Variants in KCNIP4 observed in about 807,000 individuals in gnomAD.
The protein encoded by KCNIP4 is Kv channel-interacting protein 4.
In KCNIP4, 12 loss-of-function variants were observed where a neutral mutation model predicts 34.0. That is an observed-to-expected ratio of 0.35 (90% CI 0.23 to 0.57). The LOEUF (loss-of-function observed/expected upper bound fraction) is 0.57, where lower values mean the gene tolerates loss of function less well. KCNIP4 is among the 20% of genes least tolerant of loss of function. KCNIP4 has a pLI of 0.83. For missense variants in KCNIP4, 238 were observed against 311.7 expected (o/e 0.76, Z 1.78); for synonymous variants, 124 against 102.2 (o/e 1.21, Z -1.29).
intron 1 of KCNIP4, among the ~76,000 whole-genome samples, chr4:21,747,481 A>G (rs1251609499): frequency 5.9e-5 from 9 of 151,964 alleles, no homozygotes; most frequent in Admixed American, 5.9e-4. Context: ...AAGCATCTCA[A>G]CTCTTAGTTC....
At chr4:21,055,953 T>C (rs149647016) in intron 1 of KCNIP4, among the ~76,000 whole-genome samples, 2 of 152,264 alleles carry the variant, frequency 1.3e-5, no homozygotes, top group East Asian at 1.9e-4. Context: ...TGGGGAATTA[T>C]GATGTGTCAG....
intron 7 of KCNIP4, 72 bp downstream of exon 7, chr4:20,732,609 C>G: frequency 1.1e-6 from 1 of 895,200 alleles, no homozygotes; most frequent in African/African-American, 1.6e-5. Context: ...TTTGAATCAT[C>G]GTGGTGCATG....
At chr4:21,212,198 G>C (rs1210044777) in intron 1 of KCNIP4, among the ~76,000 whole-genome samples, 1 of 152,182 alleles carries the variant, frequency 6.6e-6, no homozygotes, top group Admixed American at 6.6e-5. Flanking sequence ...GGCTGAGTTA[G>C]AAAGAAACTG....
At chr4:21,389,549 G>T (rs984067564) in intron 1 of KCNIP4, among the ~76,000 whole-genome samples, 1 of 146,646 alleles carries the variant, frequency 6.8e-6, no homozygotes, top group Non-Finnish European at 1.5e-5. Flanking sequence ...GAGAACATGC[G>T]GTGTTTGGTT....
chr4:21,852,928 A>G (rs1383367521), intron 1 of KCNIP4: 2 of 152,228 alleles, frequency 1.3e-5, no homozygotes, highest in African/African-American at 2.4e-5. Flanking sequence ...GAATCAGGTC[A>G]TTGTTACTTA....
chr4:21,501,713 T>TGTGTGTGTGTGTGTGTGTGTGTGTGC (rs1733364995), intron 1 of KCNIP4, among the ~76,000 whole-genome samples: 1 of 150,496 alleles, frequency 6.6e-6, no homozygotes, highest in Non-Finnish European at 1.5e-5. Flanking sequence ...TGTGTGTGTG[T>TGTGTGTGTGTGTGTGTGTGTGTGTGC]GTGCGTTGGA....
At chr4:21,477,780 C>A (rs902765584) in intron 1 of KCNIP4, among the ~76,000 whole-genome samples, 10 of 152,252 alleles carry the variant, frequency 6.6e-5, no homozygotes, top group African/African-American at 2.2e-4. Flanking sequence ...AAAGCAAGTC[C>A]CATTGGGGAC....
intron 1 of KCNIP4, among the ~76,000 whole-genome samples, chr4:21,906,446 C>T (rs1280465741): frequency 6.6e-6 from 1 of 152,148 alleles, no homozygotes; most frequent in Non-Finnish European, 1.5e-5. Context: ...GACATGTTGG[C>T]AGCCACCAGA....
At chr4:20,862,121 G>A (rs1365858788) in intron 2 of KCNIP4, among the ~76,000 whole-genome samples, 1 of 151,846 alleles carries the variant, frequency 6.6e-6, no homozygotes, top group East Asian at 1.9e-4. Flanking sequence ...CTCCCAAGTA[G>A]CTGGGACTAC....
intron 1 of KCNIP4, among the ~76,000 whole-genome samples, chr4:21,110,692 AG>A (rs1259971386): frequency 6.6e-6 from 1 of 152,154 alleles, no homozygotes; most frequent in Non-Finnish European, 1.5e-5. Flanking sequence ...GGTCTTTGAG[AG>A]GCAATTAGGT....
At chr4:21,716,570 G>T (rs545280340) in intron 1 of KCNIP4, among the ~76,000 whole-genome samples, 4 of 152,222 alleles carry the variant, frequency 2.6e-5, no homozygotes, top group South Asian at 4.2e-4. Context: ...AGAAGAGGCA[G>T]AAACGGCTAG....
chr4:21,753,597 G>A (rs1379672194), intron 1 of KCNIP4, among the ~76,000 whole-genome samples: 1 of 152,164 alleles, frequency 6.6e-6, no homozygotes, highest in Non-Finnish European at 1.5e-5. Context: ...GAATGTGTGA[G>A]TTGCAGCAGG....
chr4:21,001,675 C>A (rs914188258), intron 1 of KCNIP4, among the ~76,000 whole-genome samples: 9 of 152,186 alleles, frequency 5.9e-5, no homozygotes, highest in African/African-American at 1.9e-4. Context: ...GATACGGTAG[C>A]AGAGTCCTCA....
At chr4:21,155,868 AT>A (rs1753111421) in intron 1 of KCNIP4, among the ~76,000 whole-genome samples, 1 of 152,158 alleles carries the variant, frequency 6.6e-6, no homozygotes, top group African/African-American at 2.4e-5. Flanking sequence ...TATAATGTTT[AT>A]AACTATTTTT....
chr4:21,177,015 A>T (rs1051107749), intron 1 of KCNIP4, among the ~76,000 whole-genome samples: 1 of 152,230 alleles, frequency 6.6e-6, no homozygotes, highest in East Asian at 1.9e-4. Context: ...ATTAAACAGG[A>T]TCTACTTTGG....
intron 1 of KCNIP4, among the ~76,000 whole-genome samples, chr4:21,829,182 T>C (rs1722836951): frequency 6.6e-6 from 1 of 152,018 alleles, no homozygotes; most frequent in Non-Finnish European, 1.5e-5. Context: ...TTGATTTCAA[T>C]AGAAACCATA....
At chr4:20,835,038 T>C (rs1028209587) in intron 3 of KCNIP4, among the ~76,000 whole-genome samples, 3 of 152,174 alleles carry the variant, frequency 2.0e-5, no homozygotes, top group Non-Finnish European at 2.9e-5. Context: ...AGGAACTTCT[T>C]TTTTTTCTCC....
intron 1 of KCNIP4, among the ~76,000 whole-genome samples, chr4:21,009,591 T>C (rs1738890689): frequency 1.3e-5 from 2 of 152,234 alleles, no homozygotes; most frequent in African/African-American, 4.8e-5. Flanking sequence ...TAAACTCCTC[T>C]GTAGTGCATT....
At chr4:21,798,556 G>A (rs1720784132) in intron 1 of KCNIP4, among the ~76,000 whole-genome samples, 1 of 109,584 alleles carries the variant, frequency 9.1e-6, no homozygotes, top group African/African-American at 2.9e-5. Flanking sequence ...GAGAAAGAGA[G>A]AAAGAAAAAG....
Sources: gnomAD v4.1 joint callset for allele counts (sites outside exome capture counted in the v4.1 genomes callset) on GRCh38, gnomAD v4.1.1 for gene constraint, MANE v1.5 for transcripts, NCBI Gene and HGNC (gene_info 2026-07-23, HGNC 2026-07-21) for gene names.